DYRK1A: variants seen among roughly 807,000 people sequenced by gnomAD.
DYRK1A encodes dual specificity tyrosine phosphorylation regulated kinase 1A.
DYRK1A carries 9 observed loss-of-function variants against 79.7 expected under a neutral mutation model. That is an observed-to-expected ratio of 0.11 (90% confidence interval 0.07 to 0.20). The LOEUF is 0.20. DYRK1A is among the 10% of genes least tolerant of loss of function. The pLI is 1.00. For missense variants in DYRK1A, 622 were observed against 956.0 expected (o/e 0.65, Z 4.61); for synonymous variants, 349 against 329.7 (o/e 1.06, Z -0.63).
intron 7 of DYRK1A, among the ~76,000 whole-genome samples, chr21:37,491,420 A>G (rs2053089749): frequency 6.6e-6 from 1 of 152,190 alleles, no homozygotes; most frequent in Non-Finnish European, 1.5e-5. Context: ...CCCGGCTAAC[A>G]TACAGATGTT....
chr21:37,455,019 C>CTT (rs72223324), intron 2 of DYRK1A, among the ~76,000 whole-genome samples: 3,556 of 116,784 alleles, frequency 0.03, 132 homozygotes, highest in Non-Finnish European at 0.044. Flanking sequence ...GGGTGGTCAC[C>CTT]TTTTTTTTTT....
At chr21:37,432,650 T>C (rs914561012) in intron 2 of DYRK1A, among the ~76,000 whole-genome samples, 9 of 152,210 alleles carry the variant, frequency 5.9e-5, no homozygotes, top group Admixed American at 1.3e-4. Context: ...GTATGATTTG[T>C]CATTTGAGAT....
Position 37,367,032 on chromosome 21 carries a change from G to C in DYRK1A, c.-673G>C, listed in dbSNP as rs1298527988. 3 of 162,402 alleles carry C rather than the reference G, an allele frequency of 1.8e-5. No individual in the cohort carries two copies. Among genetic ancestry groups the C allele is most frequent in the Non-Finnish European group, 4.0e-5 (3 of 74,446 alleles). 10.1% of individuals were successfully genotyped at this position (162,402 alleles called of 1,614,324 possible). ...GCTGCTGTTCCTGCTGCTGCTGTTG[G>C]TGCCGCTGCCGCCGCCGGCGAGCAG... On this transcript the variant is annotated 5_prime_UTR_variant, in exon 1 of 12. Coordinates refer to ENST00000647188, the MANE Select transcript of DYRK1A (RefSeq NM_001347721.2).
chr21:37,394,826 A>G (rs1028954694), intron 1 of DYRK1A, among the ~76,000 whole-genome samples: 1 of 152,240 alleles, frequency 6.6e-6, no homozygotes, highest in Non-Finnish European at 1.5e-5. Context: ...TTGCACCTAA[A>G]GTAGCAAAAG....
intron 1 of DYRK1A, among the ~76,000 whole-genome samples, chr21:37,402,090 CTTATA>C (rs561759351): frequency 1.3e-4 from 20 of 152,118 alleles, no homozygotes; most frequent in South Asian, 4.1e-4. Context: ...TTTACTCCTA[CTTATA>C]TTATACATTA....
chr21:37,378,077 C>G (rs968807106), intron 1 of DYRK1A, among the ~76,000 whole-genome samples: 1 of 152,162 alleles, frequency 6.6e-6, no homozygotes, highest in African/African-American at 2.4e-5. Context: ...CTGTTGTTAC[C>G]TTAGATTTTT....
In DYRK1A at chr21:37,512,832, G is replaced by T; in HGVS notation, c.*301G>T. On this transcript the variant is annotated 3_prime_UTR_variant, in exon 12 of 12. Transcript: ENST00000647188. ...TTTTTTGTCTTTCTATTCAGCAAAA[G>T]TTAATATTCAGATGTTGGTCTTGGT... 1 of 333,560 alleles carries T rather than the reference G, an allele frequency of 3.0e-6. No individual in the cohort carries two copies. Among genetic ancestry groups the T allele is most frequent in the Non-Finnish European group, 5.5e-6 (1 of 182,374 alleles). 20.7% of individuals were successfully genotyped at this position (333,560 alleles called of 1,614,324 possible).
At chr21:37,381,695 G>A (rs1263338452) in intron 1 of DYRK1A, among the ~76,000 whole-genome samples, 1 of 152,214 alleles carries the variant, frequency 6.6e-6, no homozygotes, top group Non-Finnish European at 1.5e-5. Context: ...GCCTGAGGCA[G>A]GAGGATCGCT....
Position 37,512,846 on chromosome 21 carries a change from G to A in DYRK1A, c.*315G>A, listed in dbSNP as rs1601337842. 3.4e-6 allele frequency: 1 copy of A among 293,334 alleles called. No homozygotes were observed. The highest frequency in any genetic ancestry group is 4.6e-5 in the Admixed American group (1 of 21,764). The allele number at this position is 293,334 out of a possible 1,614,324, so 18.2% of individuals were successfully genotyped here. A position where few individuals can be genotyped will look rare whatever the true frequency, so the allele number is the denominator to read the frequency against. ...ATTCAGCAAAAGTTAATATTCAGAT[G>A]TTGGTCTTGGTCATTTGCCAACTAA... On this transcript the variant is annotated 3_prime_UTR_variant, in exon 12 of 12. Transcript: ENST00000647188.
At chr21:37,493,662 A>G (rs2835773) in intron 8 of DYRK1A, among the ~76,000 whole-genome samples, 67,815 of 151,934 alleles carry the variant, frequency 0.45, 15,939 homozygotes, top group East Asian at 0.57. Context: ...GTTCTGGAAG[A>G]TTTTTCAAGG....
In DYRK1A at chr21:37,378,986, C is replaced by CA. The variant is rs532853434; in HGVS notation, c.-77+11360dup. Among the ~76,000 whole-genome samples, 365 of 151,966 alleles carry CA rather than the reference C, an allele frequency of 2.4e-3. 2 individuals are homozygous for CA. Among genetic ancestry groups the CA allele is most frequent in the African/African-American group, 8.4e-3 (349 of 41,450 alleles). ...AGTCTATTGGAGGAAGTCATGTGGG[C>CA]AATGGGTGGTGGTGGGAAATGAAGG... On this transcript the variant is annotated intron_variant, in intron 1 of 11. Coordinates refer to ENST00000647188, the MANE Select transcript of DYRK1A (RefSeq NM_001347721.2).
At chr21:37,425,849 A>G (rs1344602725) in intron 2 of DYRK1A, 1 of 152,268 alleles carries the variant, frequency 6.6e-6, no homozygotes, top group African/African-American at 2.4e-5. Flanking sequence ...AGAAGGAGGC[A>G]TGAGGGTGTC....
At chr21:37,421,065 G>A (rs1171775410) in intron 2 of DYRK1A, among the ~76,000 whole-genome samples, 1 of 152,094 alleles carries the variant, frequency 6.6e-6, no homozygotes, top group East Asian at 1.9e-4. Flanking sequence ...AAAATGTAGT[G>A]CAGCTAATGT....
chr21:37,495,153 TG>T (rs1442396528), intron 8 of DYRK1A, among the ~76,000 whole-genome samples: 44 of 1,824 alleles, frequency 0.024, no homozygotes, highest in African/African-American at 0.033. Flanking sequence ...TCTGGGATTT[TG>T]TGTGTGTGTG....
intron 1 of DYRK1A, among the ~76,000 whole-genome samples, chr21:37,404,543 T>G (rs1464585713): frequency 1.3e-5 from 2 of 152,250 alleles, no homozygotes; most frequent in Admixed American, 6.5e-5. Flanking sequence ...TGGTTTCAGA[T>G]GCCTGAACTC....
At chr21:37,426,767 A>T (rs1382661771) in intron 2 of DYRK1A, among the ~76,000 whole-genome samples, 1 of 150,422 alleles carries the variant, frequency 6.6e-6, no homozygotes, top group African/African-American at 2.4e-5. Flanking sequence ...AAAAAAAAAA[A>T]AAATAAGCCA....
rs143438856 is a variant in DYRK1A, at chr21:37,460,258, A to G, written c.11-12426A>G. Among the ~76,000 whole-genome samples, 68 of 152,154 alleles carry G rather than the reference A, an allele frequency of 4.5e-4. 1 individual carries two copies. In the East Asian group the frequency reaches 6.9e-3, roughly 16 times the overall value. ...GTTGAGAATCTTTTGTTTCCTGTTGACATTTTAAAAATCTCCTAATGGCAG... is the reference window on the plus strand; with the variant it reads ...GTTGAGAATCTTTTGTTTCCTGTTGGCATTTTAAAAATCTCCTAATGGCAG... On this transcript the variant is annotated intron_variant, in intron 2 of 11. Coordinates refer to ENST00000647188, the MANE Select transcript of DYRK1A (RefSeq NM_001347721.2).
Position 37,513,769 on chromosome 21 carries a change from A to G in DYRK1A, c.*1238A>G, listed in dbSNP as rs1291087460. On this transcript the variant is annotated 3_prime_UTR_variant, in exon 12 of 12. Transcript: ENST00000647188. ...TATGTGACTGCTTTTTTGCCTCACA[A>G]TTATGCTGTGAATTTTACAAAAATT... is the stretch of plus-strand genomic sequence containing the variant. 3 of 152,562 alleles carry G rather than the reference A, an allele frequency of 2.0e-5. No individual in the cohort carries two copies. The highest frequency in any genetic ancestry group is 6.5e-5 in the Admixed American group (1 of 15,270). 9.5% of individuals were successfully genotyped at this position (152,562 alleles called of 1,614,324 possible).
intron 2 of DYRK1A, among the ~76,000 whole-genome samples, chr21:37,466,762 A>G (rs2052038962): frequency 6.6e-6 from 1 of 152,166 alleles, no homozygotes; most frequent in South Asian, 2.1e-4. Flanking sequence ...TTTTTAATAC[A>G]TTGTTGTTGG....
Sources: allele counts gnomAD v4.1 joint callset (sites outside exome capture counted in the v4.1 genomes callset), GRCh38; gene constraint gnomAD v4.1.1; transcripts MANE v1.5; gene names NCBI Gene and HGNC (gene_info 2026-07-23, HGNC 2026-07-21).